The following ALPK2 variants were observed in gnomAD, a reference collection of about 807,000 sequenced individuals.
ALPK2 encodes alpha kinase 2.
Under a neutral mutation model 163.1 loss-of-function variants are expected in ALPK2, and 127 were observed. The observed-to-expected ratio is 0.78, with a 90% CI of 0.67 to 0.90. ALPK2 has a LOEUF of 0.90. Ranked by LOEUF, ALPK2 falls within the 40% of genes least tolerant of loss-of-function variation. ALPK2 has a pLI of 0.00. For missense variants in ALPK2, 2,360 were observed against 2,589.6 expected, an observed-to-expected ratio of 0.91 and a Z score of 1.92; for synonymous variants, 953 against 959.1, an observed-to-expected ratio of 0.99 and a Z score of 0.12.
At chr18:58,514,535 A>G (rs935608477) in intron 10 of ALPK2, among the ~76,000 whole-genome samples, 3 of 152,142 alleles carry the variant, frequency 2.0e-5, no homozygotes, top group Non-Finnish European at 4.4e-5. Context: ...AGCAGGTACT[A>G]TGTTACTATG....
chr18:58,540,660 A>C (rs2051685104), intron 4 of ALPK2, among the ~76,000 whole-genome samples: 1 of 152,200 alleles, frequency 6.6e-6, no homozygotes, highest in African/African-American at 2.4e-5. Context: ...CTGCCCCATC[A>C]AAAGCACCAC....
intron 8 of ALPK2, among the ~76,000 whole-genome samples, chr18:58,520,969 T>C (rs933609697): frequency 1.3e-5 from 2 of 152,184 alleles, no homozygotes; most frequent in African/African-American, 4.8e-5. Context: ...TGAGCTATGA[T>C]TGTGCCACTG....
chr18:58,536,724 GT>G lies in ALPK2; in HGVS notation c.3462del (p.Gln1154HisfsTer55), dbSNP rs1232511729. 6.2e-7 allele frequency: 1 copy of G among 1,614,080 alleles called. No homozygotes were observed. Among genetic ancestry groups the G allele is most frequent in the Non-Finnish European group, 8.5e-7 (1 of 1,180,040 alleles). On this transcript the variant is annotated frameshift_variant, in exon 5 of 13. Coordinates refer to ENST00000361673, the MANE Select transcript of ALPK2 (RefSeq NM_052947.4). LOFTEE classifies it high-confidence loss of function. ...QQGSLSAPDFQQSLPTTSAAQ... is the reference protein window; with the variant it reads ...QQGSLSAPDFXQSLPTTSAAQ... ...GCAGCAGATGTCGTAGGCAAACTTTGTTGGAAATCAGGTGCAGAAAGAGAAC... is the reference window on the plus strand; with the variant it reads ...GCAGCAGATGTCGTAGGCAAACTTTGTGGAAATCAGGTGCAGAAAGAGAAC...
chr18:58,535,455 G>C lies in ALPK2; in HGVS notation c.4732C>G (p.Arg1578Gly), dbSNP rs780512023. ...TGTGAAACAGGAAACACATACTGACGCTTTCTGGGCTCAACTATGTCATTT... is the reference window on the plus strand; with the variant it reads ...TGTGAAACAGGAAACACATACTGACCCTTTCTGGGCTCAACTATGTCATTT... ...PENDIVEPRK[R>G]QYVFPVSQKR... Residue 1578 changes from arginine (R) to glycine (G), a missense_variant, in exon 5 of 13, where the codon CGT becomes GGT. Coordinates refer to ENST00000361673, the MANE Select transcript of ALPK2 (RefSeq NM_052947.4). 6.2e-7 allele frequency: 1 copy of C among 1,614,050 alleles called. No homozygotes were observed. The highest frequency in any genetic ancestry group is 1.3e-5 in the African/African-American group (1 of 74,912).
At chr18:58,492,737 A>C (rs2051381814) in intron 12 of ALPK2, among the ~76,000 whole-genome samples, 1 of 152,208 alleles carries the variant, frequency 6.6e-6, no homozygotes, top group Non-Finnish European at 1.5e-5. Context: ...AGGGACAACT[A>C]GGGAATAGGG....
intron 4 of ALPK2, among the ~76,000 whole-genome samples, chr18:58,543,901 C>A (rs1190695410): frequency 6.6e-6 from 1 of 152,136 alleles, no homozygotes; most frequent in Admixed American, 6.5e-5. Flanking sequence ...TTGGAATAAA[C>A]CTCACCTCAC....
chr18:58,628,472 C>G (rs2052243033), intron 1 of ALPK2, among the ~76,000 whole-genome samples: 1 of 152,150 alleles, frequency 6.6e-6, no homozygotes, highest in Non-Finnish European at 1.5e-5. Context: ...TTAAGATAGA[C>G]ATGATGTGAA....
intron 10 of ALPK2, among the ~76,000 whole-genome samples, chr18:58,513,607 T>C (rs2051505787): frequency 6.6e-6 from 1 of 152,214 alleles, no homozygotes; most frequent in South Asian, 2.1e-4. Context: ...CCAGGCATGG[T>C]GGCTCATGCC....
chr18:58,588,810 C>T (rs1602230776), intron 3 of ALPK2, among the ~76,000 whole-genome samples: 1 of 152,208 alleles, frequency 6.6e-6, no homozygotes, highest in East Asian at 1.9e-4. Flanking sequence ...GTATATGTAC[C>T]ACATTTACTT....
intron 3 of ALPK2, among the ~76,000 whole-genome samples, chr18:58,594,584 A>C (rs2052031967): frequency 6.6e-6 from 1 of 152,106 alleles, no homozygotes; most frequent in Non-Finnish European, 1.5e-5. Context: ...CAGCAGCACA[A>C]ATGTCCCTAG....
intron 3 of ALPK2, among the ~76,000 whole-genome samples, chr18:58,590,331 G>A (rs567601225): frequency 7.2e-5 from 11 of 151,960 alleles, no homozygotes; most frequent in South Asian, 2.1e-4. Flanking sequence ...ACTTTCCAGT[G>A]AAAGAAAACA....
In ALPK2 at chr18:58,621,746, A is replaced by T. The variant is rs144768015; in HGVS notation, c.-21+7018T>A. On this transcript the variant is annotated intron_variant, in intron 1 of 12. Coordinates refer to ENST00000361673, the MANE Select transcript of ALPK2 (RefSeq NM_052947.4). ...GAAGGCATGCCATTTGGAGACAGTG[A>T]TAGTCTTTGTATATCTTTCTGGATA... Among the ~76,000 whole-genome samples, 276 of 152,284 alleles carry T rather than the reference A, an allele frequency of 1.8e-3. 1 individual carries two copies. The highest frequency in any genetic ancestry group is 1.7e-3 in the Non-Finnish European group (118 of 68,006).
chr18:58,573,382 G>A (rs1318114170), intron 4 of ALPK2, among the ~76,000 whole-genome samples: 45 of 138,588 alleles, frequency 3.2e-4, no homozygotes, highest in African/African-American at 8.7e-4. Context: ...ATATGTGTGT[G>A]TATATATATA....
intron 1 of ALPK2, among the ~76,000 whole-genome samples, chr18:58,613,708 A>AAATAAT (rs147174781): frequency 7.4e-4 from 70 of 95,212 alleles, no homozygotes; most frequent in Non-Finnish European, 1.2e-3. Context: ...CAAAAAAAAA[A>AAATAAT]AATAATAATA....
chr18:58,547,801 G>A (rs2051726038), intron 4 of ALPK2, among the ~76,000 whole-genome samples: 1 of 152,182 alleles, frequency 6.6e-6, no homozygotes. Flanking sequence ...ATGAATCCCT[G>A]CTGTATGTAG....
Position 58,538,230 on chromosome 18 carries a change from A to T in ALPK2, c.1963-6T>A. ...ACTGTTTCCTGAACTTGTACCTAGGAAGATGAAAAGTGATATTAGTAGAAT... is the reference window on the plus strand; with the variant it reads ...ACTGTTTCCTGAACTTGTACCTAGGTAGATGAAAAGTGATATTAGTAGAAT... On this transcript the variant is annotated splice_polypyrimidine_tract_variant and splice_region_variant and intron_variant, in intron 4 of 12. Transcript: ENST00000361673. The T allele has an allele frequency of 6.2e-7, 1 of 1,604,080 alleles. No individual in the cohort carries two copies.
Position 58,535,426 on chromosome 18 carries a change from T to C in ALPK2, c.4761A>G (p.Lys1587=). Reference sequence around the variant, plus strand: ...CACGCTCATTCTCAATAGTTCCCCTTTTCTGTGAAACAGGAAACACATACT... The same window carrying C: ...CACGCTCATTCTCAATAGTTCCCCTCTTCTGTGAAACAGGAAACACATACT... The part of the protein sequence containing the change: ...KRQYVFPVSQ[K]RGTIENERGK... Residue 1587 remains lysine (K), a synonymous_variant, in exon 5 of 13, where the codon AAA becomes AAG. Transcript: ENST00000361673. 1 of 1,614,208 alleles carries C rather than the reference T, an allele frequency of 6.2e-7. No individual in the cohort carries two copies.
At chr18:58,584,431 C>A (rs547824555) in intron 3 of ALPK2, among the ~76,000 whole-genome samples, 2 of 152,314 alleles carry the variant, frequency 1.3e-5, no homozygotes, top group South Asian at 2.1e-4. Flanking sequence ...CCCAAAGTGA[C>A]AAAGCTGGAA....
At chr18:58,540,146 A>G (rs1257008721) in intron 4 of ALPK2, among the ~76,000 whole-genome samples, 1 of 152,232 alleles carries the variant, frequency 6.6e-6, no homozygotes, top group Non-Finnish European at 1.5e-5. Context: ...AAGGCCTGTT[A>G]TAGCGATTAG....
Sources: allele counts gnomAD v4.1 joint callset (sites outside exome capture counted in the v4.1 genomes callset), GRCh38; gene constraint gnomAD v4.1.1; transcripts MANE v1.5; gene names NCBI Gene and HGNC (gene_info 2026-07-23, HGNC 2026-07-21).